PSME4: variants seen among roughly 807,000 people sequenced by gnomAD.
The protein encoded by PSME4 is proteasome activator subunit 4, also known as proteasome activator complex subunit 4.
PSME4 carries 89 observed loss-of-function variants against 253.9 expected under a neutral mutation model. The ratio of observed to expected loss-of-function variants is 0.35; its 90% CI spans 0.30 to 0.42. The LOEUF (loss-of-function observed/expected upper bound fraction) is 0.42, where lower values mean the gene tolerates loss of function less well. PSME4 is among the 10% of genes least tolerant of loss of function. The pLI, the probability that PSME4 is intolerant of heterozygous loss-of-function variation, is 1.00. For missense variants in PSME4, 2,014 were observed against 2,195.2 expected (o/e 0.92, Z 1.65); for synonymous variants, 851 against 759.2 (o/e 1.12, Z -1.99).
At chr2:53,872,784 T>G (rs556439976) in intron 43 of PSME4, among the ~76,000 whole-genome samples, 1 of 121,820 alleles carries the variant, frequency 8.2e-6, no homozygotes, top group South Asian at 2.6e-4. Context: ...ACCATAAAAA[T>G]GTTCTAAAAG....
intron 27 of PSME4, among the ~76,000 whole-genome samples, chr2:53,901,845 A>T (rs1026290203): frequency 1.3e-5 from 2 of 152,288 alleles, no homozygotes; most frequent in African/African-American, 4.8e-5. Flanking sequence ...CAAATAAGGC[A>T]GACTGGTTGA....
intron 1 of PSME4, among the ~76,000 whole-genome samples, chr2:53,961,635 G>A (rs1284267427): frequency 6.6e-6 from 1 of 151,914 alleles, no homozygotes; most frequent in Non-Finnish European, 1.5e-5. Context: ...CTGTGACAGC[G>A]CCACTGCACT....
intron 20 of PSME4, among the ~76,000 whole-genome samples, chr2:53,912,541 C>G (rs1202380314): frequency 6.6e-6 from 1 of 152,156 alleles, no homozygotes; most frequent in Non-Finnish European, 1.5e-5. Context: ...CACTGCAGCC[C>G]CAACCTTCCT....
At position 53,925,663 on chromosome 2, in the gene PSME4, G is replaced by A; in HGVS notation, c.1685C>T (p.Thr562Ile). ...DRCFGLIESS[T>I]LEQTREETET... ...TGTCTCTTCTCTTGTTTGCTCCAAT[G>A]TGCTACTTTCTATAAGTCCAAAACA... is the stretch of plus-strand genomic sequence containing the variant. Residue 562 changes from threonine (T) to isoleucine (I), a missense_variant, in exon 14 of 47, where the codon ACA becomes ATA. Thr to Ile is a moderately conservative substitution (Grantham distance 89). Coordinates refer to ENST00000404125, the MANE Select transcript of PSME4 (RefSeq NM_014614.3). 2 of 1,609,244 alleles carry A rather than the reference G, an allele frequency of 1.2e-6. No homozygotes were observed. Among genetic ancestry groups the A allele is most frequent in the Non-Finnish European group, 8.5e-7 (1 of 1,176,032 alleles).
chr2:53,900,585 G>A (rs773937652), intron 28 of PSME4, among the ~76,000 whole-genome samples: 2 of 152,058 alleles, frequency 1.3e-5, no homozygotes, highest in Non-Finnish European at 2.9e-5. Flanking sequence ...TAGTTACACA[G>A]CCCTGTGAAT....
At position 53,878,443 on chromosome 2, in the gene PSME4, A is replaced by G. The variant is rs564169719; in HGVS notation, c.4816-2688T>C. Among the ~76,000 whole-genome samples, 8 of 152,352 alleles carry G rather than the reference A, an allele frequency of 5.3e-5. No individual in the cohort carries two copies. In the South Asian group the frequency reaches 1.7e-3, roughly 32 times the overall value. ...CTGGGCACCTTGAAAAAAGAACAGG[A>G]TAACAGCAATGTTCAGACAACAAAG... On this transcript the variant is annotated intron_variant, in intron 41 of 46. Coordinates refer to ENST00000404125, the MANE Select transcript of PSME4 (RefSeq NM_014614.3).
At chr2:53,918,023 C>T (rs534873115) in intron 20 of PSME4, among the ~76,000 whole-genome samples, 1 of 152,140 alleles carries the variant, frequency 6.6e-6, no homozygotes, top group African/African-American at 2.4e-5. Context: ...TGCCTAAGAA[C>T]AGTTTTTGGA....
At chr2:53,902,019 C>T (rs1680423003) in intron 27 of PSME4, among the ~76,000 whole-genome samples, 1 of 152,136 alleles carries the variant, frequency 6.6e-6, no homozygotes, top group Non-Finnish European at 1.5e-5. Context: ...ATGAGCCATG[C>T]CTGTGCCACT....
chr2:53,931,784 C>T (rs756957758), intron 10 of PSME4, 51 bp downstream of exon 10: 4 of 1,587,900 alleles, frequency 2.5e-6, no homozygotes, highest in Non-Finnish European at 2.6e-6. Context: ...TCGAGCTGAA[C>T]AGACCAAAAG....
chr2:53,934,856 C>T (rs974209094), intron 7 of PSME4, 129 bp from the exon 8 acceptor site: 1 of 710,936 alleles, frequency 1.4e-6, no homozygotes, highest in East Asian at 2.8e-5. Context: ...AGTGAAATTA[C>T]ATAGTATTTA....
At chr2:53,904,662 C>T (rs557604268) in intron 26 of PSME4, among the ~76,000 whole-genome samples, 1 of 152,282 alleles carries the variant, frequency 6.6e-6, no homozygotes, top group South Asian at 2.1e-4. Context: ...AAATTTACAA[C>T]TTATGAACTA....
At chr2:53,875,823 TGA>T in intron 41 of PSME4, 68 bp from the exon 42 acceptor site, 1 of 1,416,454 alleles carries the variant, frequency 7.1e-7, no homozygotes, top group Non-Finnish European at 9.6e-7. Flanking sequence ...GCATCCTACA[TGA>T]GAGACAACAC....
chr2:53,869,343 T>C lies in PSME4; in HGVS notation c.5263+33A>G, dbSNP rs1481900492. 2.6e-6 allele frequency: 4 copies of C among 1,553,048 alleles called. No homozygotes were observed. In the Admixed American group the frequency reaches 6.8e-5, roughly 27 times the overall value. On this transcript the variant is annotated intron_variant, in intron 44 of 46. Coordinates refer to ENST00000404125, the MANE Select transcript of PSME4 (RefSeq NM_014614.3). ...CTGGTTAACCCTCATTAATTCCCAA[T>C]AGGATACAGGTGTTTCCTACCAGCA...
intron 1 of PSME4, among the ~76,000 whole-genome samples, chr2:53,967,679 A>AAAAAAAAAG (rs1670808609): frequency 7.1e-6 from 1 of 139,944 alleles, no homozygotes; most frequent in African/African-American, 2.8e-5. Flanking sequence ...AAAAAAAAAA[A>AAAAAAAAAG]GTCAAAAAGA....
Position 53,874,839 on chromosome 2 carries a change from G to A in PSME4, c.4945-345C>T, listed in dbSNP as rs149374517. Among the ~76,000 whole-genome samples, 414 of 152,294 alleles carry A rather than the reference G, an allele frequency of 2.7e-3. 3 individuals carry two copies. Among genetic ancestry groups the A allele is most frequent in the African/African-American group, 9.3e-3 (387 of 41,568 alleles). On this transcript the variant is annotated intron_variant, in intron 42 of 46. Transcript: ENST00000404125. ...AGGCACCTGTAATCCCAGCTACTTG[G>A]GAAGCTGAGACAAGAGAATCGCATG...
At chr2:53,960,275 T>A (rs964828616) in intron 1 of PSME4, among the ~76,000 whole-genome samples, 1 of 151,946 alleles carries the variant, frequency 6.6e-6, no homozygotes, top group Admixed American at 6.6e-5. Flanking sequence ...GGCGGGCGCC[T>A]GTAATCCTAG....
At chr2:53,923,809 G>A (rs531457284) in intron 14 of PSME4, among the ~76,000 whole-genome samples, 1 of 151,598 alleles carries the variant, frequency 6.6e-6, no homozygotes, top group East Asian at 1.9e-4. Flanking sequence ...TGTAGTCCCA[G>A]CTGCTCGGGA....
At chr2:53,887,712 T>C (rs1679705620) in intron 39 of PSME4, 146 bp downstream of exon 39, 3 of 1,144,800 alleles carry the variant, frequency 2.6e-6, no homozygotes, top group Non-Finnish European at 3.6e-6. Context: ...TTTCATCTTG[T>C]TTCCCACGAC....
chr2:53,871,758 T>C (rs1272609090), intron 43 of PSME4, among the ~76,000 whole-genome samples: 1 of 152,128 alleles, frequency 6.6e-6, no homozygotes, highest in East Asian at 1.9e-4. Flanking sequence ...CTCACGCCTG[T>C]ATCCTAGTAC....
Sources: allele counts gnomAD v4.1 joint callset (sites outside exome capture counted in the v4.1 genomes callset), GRCh38; gene constraint gnomAD v4.1.1; transcripts MANE v1.5; gene names NCBI Gene and HGNC (gene_info 2026-07-23, HGNC 2026-07-21).